C16orf74: variants seen among roughly 807,000 people sequenced by gnomAD.
The protein encoded by C16orf74 is uncharacterized protein C16orf74.
C16orf74 carries 10 observed loss-of-function variants against 6.5 expected under a neutral mutation model. The ratio of observed to expected loss-of-function variants is 1.54; its 90% CI spans 0.95 to 2.61. The LOEUF (loss-of-function observed/expected upper bound fraction) is 2.61. Ranked by LOEUF, C16orf74 falls within the 30% of genes most tolerant of loss-of-function variation. The pLI, the probability that C16orf74 is intolerant of heterozygous loss-of-function variation, is 0.00. For synonymous variants in C16orf74, 60 were observed against 42.5 expected, an observed-to-expected ratio of 1.41 and a Z score of -1.60; for missense variants, 141 against 105.9, an observed-to-expected ratio of 1.33 and a Z score of -1.45.
intron 2 of C16orf74, among the ~76,000 whole-genome samples, chr16:85,719,869 GGCAGGAACAGA>G (rs2054063092): frequency 6.9e-6 from 1 of 145,346 alleles, no homozygotes; most frequent in Admixed American, 6.7e-5. Context: ...AAGGCCCTGA[GGCAGGAACAGA>G]GGGGCCACAG....
At chr16:85,749,728 G>A (rs560857579) in intron 1 of C16orf74, among the ~76,000 whole-genome samples, 1 of 152,310 alleles carries the variant, frequency 6.6e-6, no homozygotes, top group East Asian at 1.9e-4. Context: ...GTCCACTGAC[G>A]GCACGCTCCC....
chr16:85,720,172 A>C (rs755065356), intron 2 of C16orf74, among the ~76,000 whole-genome samples: 9 of 151,764 alleles, frequency 5.9e-5, no homozygotes, highest in Non-Finnish European at 1.2e-4. Flanking sequence ...ACAGCAGTGG[A>C]TGTTTTAAAT....
Position 85,710,256 on chromosome 16 carries a change from A to T in C16orf74, c.80T>A (p.Val27Asp). 6.6e-7 allele frequency: 1 copy of T among 1,514,964 alleles called. No homozygotes were observed. Among genetic ancestry groups the T allele is most frequent in the Admixed American group, 2.5e-5 (1 of 40,036 alleles). 93.8% of individuals were successfully genotyped at this position (1,514,964 alleles called of 1,614,324 possible). A position where few individuals can be genotyped will look rare whatever the true frequency, so the allele number is the denominator to read the frequency against. ...CACGTCCAGGTGCTTGTCGTTCAGG[A>T]CGGGGGCCTCGTCGTGGCTGCTGCT... ...SSSSSHDEAP[V>D]LNDKHLDVPD... Residue 27 changes from valine to aspartate, a missense_variant, in exon 3 of 4, where the codon GTC (valine) becomes GAC (aspartate). Coordinates refer to ENST00000284245, the MANE Select transcript of C16orf74 (RefSeq NM_206967.3).
At chr16:85,729,043 G>A (rs2054162098) in intron 2 of C16orf74, among the ~76,000 whole-genome samples, 2 of 152,220 alleles carry the variant, frequency 1.3e-5, no homozygotes, top group Admixed American at 6.5e-5. Flanking sequence ...TGAGAACCAT[G>A]CAGCAGGACC....
At chr16:85,732,237 C>T (rs949280424) in intron 2 of C16orf74, among the ~76,000 whole-genome samples, 9 of 152,234 alleles carry the variant, frequency 5.9e-5, no homozygotes, top group African/African-American at 1.9e-4. Context: ...GATGTCACAC[C>T]TCTGGCCTCC....
chr16:85,742,561 G>T (rs1441995974), intron 1 of C16orf74, among the ~76,000 whole-genome samples: 2 of 151,620 alleles, frequency 1.3e-5, no homozygotes, highest in Non-Finnish European at 1.5e-5. Context: ...TTTTTTTGGA[G>T]ACACACTTTC....
At chr16:85,745,045 G>A (rs8049403) in intron 1 of C16orf74, among the ~76,000 whole-genome samples, 7,184 of 149,768 alleles carry the variant, frequency 0.048, 340 homozygotes, top group African/African-American at 0.12. Flanking sequence ...GGAGGCTGAG[G>A]CAGGAGAATC....
chr16:85,723,269 A>C (rs932354639), intron 2 of C16orf74, among the ~76,000 whole-genome samples: 69 of 150,076 alleles, frequency 4.6e-4, no homozygotes, highest in Admixed American at 1.0e-3. Context: ...CAAAAAAAAA[A>C]AAAAAAAAAA....
At chr16:85,737,758 G>T (rs1598803306) in intron 1 of C16orf74, among the ~76,000 whole-genome samples, 1 of 152,098 alleles carries the variant, frequency 6.6e-6, no homozygotes, top group Admixed American at 6.6e-5. Flanking sequence ...TTGAACCTGG[G>T]AGATGGAGGT....
At chr16:85,749,374 T>G (rs1412945639) in intron 1 of C16orf74, among the ~76,000 whole-genome samples, 2 of 152,244 alleles carry the variant, frequency 1.3e-5, no homozygotes, top group East Asian at 3.9e-4. Context: ...TAGCCTCAAC[T>G]TCTTGGGCTC....
intron 2 of C16orf74, among the ~76,000 whole-genome samples, chr16:85,714,293 G>T (rs1018757834): frequency 6.6e-6 from 1 of 151,862 alleles, no homozygotes; most frequent in Non-Finnish European, 1.5e-5. Context: ...ACCCAGTGAC[G>T]AGCATCCGCC....
Position 85,710,263 on chromosome 16 carries a change from C to A in C16orf74, c.73G>T (p.Ala25Ser). ...VSSSSSSHDE[A>S]PVLNDKHLDV... ...AGGTGCTTGTCGTTCAGGACGGGGG[C>A]CTCGTCGTGGCTGCTGCTGCTGCTG... is the stretch of plus-strand genomic sequence containing the variant. Residue 25 changes from alanine to serine, a missense_variant, in exon 3 of 4, where the codon GCC becomes TCC. By Grantham distance (99) the Ala-to-Ser change is moderately conservative. Coordinates refer to ENST00000284245, the MANE Select transcript of C16orf74 (RefSeq NM_206967.3). 2 of 1,514,526 alleles carry A rather than the reference C, an allele frequency of 1.3e-6. No individual in the cohort carries two copies. The allele number at this position is 1,514,526 out of a possible 1,614,324, so 93.8% of individuals were successfully genotyped here. A position where few individuals can be genotyped will look rare whatever the true frequency, so the allele number is the denominator to read the frequency against.
At chr16:85,722,607 G>C (rs1367525307) in intron 2 of C16orf74, among the ~76,000 whole-genome samples, 1 of 151,768 alleles carries the variant, frequency 6.6e-6, no homozygotes, top group Non-Finnish European at 1.5e-5. Context: ...CCCCAGGACT[G>C]CCTTGCTCTG....
intron 2 of C16orf74, among the ~76,000 whole-genome samples, chr16:85,712,586 G>A (rs992466113): frequency 6.6e-6 from 1 of 152,184 alleles, no homozygotes; most frequent in Non-Finnish European, 1.5e-5. Context: ...ACACCTAGAG[G>A]ACCTGGAGCC....
chr16:85,707,903 C>T lies in C16orf74; in HGVS notation c.*105G>A. The stretch of plus-strand genomic sequence containing the variant: ...AGCGGAGGCCCGGGTTCGCTCAGTT[C>T]CCATCCAGGGTATTCAGCACACCTG... On this transcript the variant is annotated 3_prime_UTR_variant, in exon 4 of 4. Transcript: ENST00000284245. 1 of 974,648 alleles carries T rather than the reference C, an allele frequency of 1.0e-6. No homozygotes were observed. The highest frequency in any genetic ancestry group is 1.6e-6 in the Non-Finnish European group (1 of 642,890). 60.4% of individuals were successfully genotyped at this position (974,648 alleles called of 1,614,324 possible). A position where few individuals can be genotyped will look rare whatever the true frequency, so the allele number is the denominator to read the frequency against.
At chr16:85,719,634 G>A (rs975743098) in intron 2 of C16orf74, among the ~76,000 whole-genome samples, 10 of 152,150 alleles carry the variant, frequency 6.6e-5, no homozygotes, top group Admixed American at 3.9e-4. Context: ...AGGGACTAGG[G>A]GCAGATGATA....
intron 1 of C16orf74, among the ~76,000 whole-genome samples, chr16:85,741,235 G>A (rs993354601): frequency 6.6e-6 from 1 of 152,168 alleles, no homozygotes; most frequent in African/African-American, 2.4e-5. Context: ...GTGGAGATGC[G>A]TTCCTGGGGC....
intron 2 of C16orf74, among the ~76,000 whole-genome samples, chr16:85,718,179 C>A (rs1447744111): frequency 6.6e-6 from 1 of 152,188 alleles, no homozygotes. Flanking sequence ...AAGCGATTCT[C>A]CCATCTTGGC....
intron 2 of C16orf74, among the ~76,000 whole-genome samples, chr16:85,728,635 G>C (rs2054157943): frequency 6.6e-6 from 1 of 152,206 alleles, no homozygotes. Flanking sequence ...TCTTCCTGCA[G>C]AGGCCCCCGC....
Sources: gnomAD v4.1 joint callset for allele counts (sites outside exome capture counted in the v4.1 genomes callset) on GRCh38, gnomAD v4.1.1 for gene constraint, MANE v1.5 for transcripts, NCBI Gene and HGNC (gene_info 2026-07-23, HGNC 2026-07-21) for gene names.